PIK3CA: variants seen among roughly 807,000 people sequenced by gnomAD.
PIK3CA encodes the protein phosphatidylinositol 4,5-bisphosphate 3-kinase catalytic subunit alpha isoform.
A neutral mutation model predicts 138.2 loss-of-function variants in PIK3CA; 27 were observed. The observed-to-expected ratio is 0.20, with a 90% CI of 0.14 to 0.27. The LOEUF (loss-of-function observed/expected upper bound fraction) is 0.27. Among genes scored for constraint, PIK3CA ranks in the 10% least tolerant of loss-of-function variants. The pLI, the probability that PIK3CA is intolerant of heterozygous loss-of-function variation, is 1.00. For missense variants in PIK3CA, 544 were observed against 1,277.4 expected, an observed-to-expected ratio of 0.43 and a Z score of 8.75; for synonymous variants, 358 against 413.2, an observed-to-expected ratio of 0.87 and a Z score of 1.62.
At position 179,195,967 on chromosome 3, in the gene PIK3CA, C is replaced by T. The variant is rs79484456; in HGVS notation, c.-76-2783C>T. On this transcript the variant is annotated intron_variant, in intron 1 of 20. Transcript: ENST00000263967. The stretch of plus-strand genomic sequence containing the variant: ...GCTGTCATTCTGTCTACCAGAATGT[C>T]AACCAGTGCCTGCCTTCCAGGATCA... Among the ~76,000 whole-genome samples, 189 of 152,334 alleles carry T rather than the reference C, an allele frequency of 1.2e-3. 3 individuals are homozygous for T. In the East Asian group the frequency reaches 0.034, roughly 28 times the overall value.
rs574908621 is a variant in PIK3CA, at chr3:179,205,020, C to CAAAAAAAAAAA, written c.1145+458_1145+468dup. 4.7e-4 allele frequency among the ~76,000 whole-genome samples: 25 copies of CAAAAAAAAAAA among 53,378 alleles called. 4 individuals carry two copies. The highest frequency in any genetic ancestry group is 8.1e-4 in the East Asian group (1 of 1,238). 35.0% of individuals were successfully genotyped at this position (53,378 alleles called of 152,430 possible). On this transcript the variant is annotated intron_variant, in intron 6 of 20. Transcript: ENST00000263967. ...TGGGCAACAGAGCGAGACTCCGTCT[C>CAAAAAAAAAAA]AAAAAAAAAAAAAAAAAAAAAAAAA...
At position 179,219,122 on chromosome 3, in the gene PIK3CA, T is replaced by C. The variant is rs1724907343; in HGVS notation, c.1665-74T>C. 2 of 827,736 alleles carry C rather than the reference T, an allele frequency of 2.4e-6. No individual in the cohort carries two copies. Among genetic ancestry groups the C allele is most frequent in the Admixed American group, 4.2e-5 (2 of 47,348 alleles). 51.3% of individuals were successfully genotyped at this position (827,736 alleles called of 1,614,324 possible). ...TTGGGACTTCTTAAGAAGATTCATA[T>C]GGAGAAGTTAGACATGTCAACCTTT... On this transcript the variant is annotated intron_variant, in intron 10 of 20. Coordinates refer to ENST00000263967, the MANE Select transcript of PIK3CA (RefSeq NM_006218.4). This position sits in a 1 kb window ranked among gnomAD's most constrained non-coding sequence, Gnocchi z 4.2.
At chr3:179,180,499 C>T (rs1723814227) in intron 1 of PIK3CA, among the ~76,000 whole-genome samples, 1 of 151,566 alleles carries the variant, frequency 6.6e-6, no homozygotes, top group Non-Finnish European at 1.5e-5. Flanking sequence ...GAATTAGAGA[C>T]AGATCAGTCC....
chr3:179,193,592 G>A (rs1428138342), intron 1 of PIK3CA, among the ~76,000 whole-genome samples: 3 of 152,256 alleles, frequency 2.0e-5, no homozygotes, highest in Non-Finnish European at 2.9e-5. Flanking sequence ...ATTGGTGCTT[G>A]TAATGAGGAC....
chr3:179,154,633 A>T (rs778056298), intron 1 of PIK3CA, among the ~76,000 whole-genome samples: 10 of 152,206 alleles, frequency 6.6e-5, no homozygotes, highest in Non-Finnish European at 1.0e-4. Context: ...GTCTTTTTCT[A>T]TATTGATACA....
intron 1 of PIK3CA, among the ~76,000 whole-genome samples, chr3:179,183,630 A>G (rs534304927): frequency 6.6e-6 from 1 of 152,358 alleles, no homozygotes; most frequent in South Asian, 2.1e-4. Context: ...TTGTAAGAAT[A>G]CCAATAATAT....
intron 4 of PIK3CA, among the ~76,000 whole-genome samples, chr3:179,202,505 T>A (rs1196098200): frequency 1.3e-5 from 2 of 152,224 alleles, no homozygotes; most frequent in African/African-American, 4.8e-5. Flanking sequence ...ATTAAATAAA[T>A]ACCTATAAGA....
At chr3:179,190,163 CCTA>C (rs898527846) in intron 1 of PIK3CA, among the ~76,000 whole-genome samples, 23 of 152,160 alleles carry the variant, frequency 1.5e-4, no homozygotes, top group Non-Finnish European at 2.2e-4. Flanking sequence ...CCATCCGTTT[CCTA>C]CTATTTCTAC....
chr3:179,161,366 T>C (rs1274644015), intron 1 of PIK3CA, among the ~76,000 whole-genome samples: 1 of 152,164 alleles, frequency 6.6e-6, no homozygotes, highest in African/African-American at 2.4e-5. Context: ...AGCACATCCA[T>C]AGACATACAA....
chr3:179,169,362 CAT>C (rs1723494370), intron 1 of PIK3CA, among the ~76,000 whole-genome samples: 1 of 152,108 alleles, frequency 6.6e-6, no homozygotes, highest in Non-Finnish European at 1.5e-5. Flanking sequence ...GGGATTACAT[CAT>C]ATGTGTAGAT....
chr3:179,198,447 C>T (rs1321914845), intron 1 of PIK3CA, among the ~76,000 whole-genome samples: 1 of 152,160 alleles, frequency 6.6e-6, no homozygotes, highest in Admixed American at 6.5e-5. Flanking sequence ...ACTTTTCATT[C>T]TTCCCATAGC....
chr3:179,163,130 G>C (rs1318604988), intron 1 of PIK3CA, among the ~76,000 whole-genome samples: 2 of 152,026 alleles, frequency 1.3e-5, no homozygotes, highest in Non-Finnish European at 2.9e-5. Flanking sequence ...AGGAGAAAAA[G>C]GAAAACTAAG....
In PIK3CA at chr3:179,224,709, G is replaced by T; in HGVS notation, c.2304G>T (p.Glu768Asp). The T allele has an allele frequency of 6.2e-7, 1 of 1,605,012 alleles. No individual in the cohort carries two copies. The highest frequency in any genetic ancestry group is 1.1e-5 in the South Asian group (1 of 90,150). The part of the protein sequence containing the change: ...AHQLGNLRLE[E>D]CRIMSSAKRP... ...TTTAACTATTTTAAAGGCTTGAAGA[G>T]TGTCGAATTATGTCCTCTGCAAAAA... The change falls in exon 16 of 21, where the codon GAG becomes GAT. Residue 768 changes from glutamate (E) to aspartate (D), a missense_variant. By Grantham distance (45) the Glu-to-Asp change is conservative. This residue lies in a region of PIK3CA where 35 missense variants were observed against 49.4 expected (regional missense o/e 0.71). Transcript: ENST00000263967.
chr3:179,232,194 G>GT (rs1202823985), intron 20 of PIK3CA, among the ~76,000 whole-genome samples: 2 of 152,060 alleles, frequency 1.3e-5, no homozygotes, highest in African/African-American at 4.8e-5. Flanking sequence ...CTAGGCCAGT[G>GT]TTTAAAAGAG....
At chr3:179,210,679 T>G in intron 9 of PIK3CA, 114 bp downstream of exon 9, 1 of 958,026 alleles carries the variant, frequency 1.0e-6, no homozygotes, top group East Asian at 2.6e-5. Flanking sequence ...CTATGAACTC[T>G]AGGACCAATA....
rs2108392564 is a variant in PIK3CA, at chr3:179,203,569, G to C, written c.839G>C (p.Gly280Ala). Residue 280 changes from glycine to alanine, a missense_variant, in exon 5 of 21, where the codon GGG becomes GCG. Transcript: ENST00000263967. ...TATATAAGAAGCTGTATAATGCTTGGGAGGATGCCCAATTTGATGTTGATG... is the reference window on the plus strand; with the variant it reads ...TATATAAGAAGCTGTATAATGCTTGCGAGGATGCCCAATTTGATGTTGATG... ...YKYIRSCIML[G>A]RMPNLMLMAK... 1 of 1,613,814 alleles carries C rather than the reference G, an allele frequency of 6.2e-7. No individual in the cohort carries two copies. Among genetic ancestry groups the C allele is most frequent in the Non-Finnish European group, 8.5e-7 (1 of 1,179,894 alleles).
In PIK3CA at chr3:179,231,630, CTTTTTTTTTTTTTTT is replaced by C. The variant is rs144349648; in HGVS notation, c.2936+1268_2936+1282del. 3.4e-4 allele frequency among the ~76,000 whole-genome samples: 17 copies of C among 50,420 alleles called. 1 individual carries two copies. The highest frequency in any genetic ancestry group is 1.7e-3 in the African/African-American group (17 of 9,784). The allele number at this position is 50,420 out of a possible 152,430, so 33.1% of individuals were successfully genotyped here. ...ATTGTCTATTCATGTCCTTAGCCCACTTTTTTTTTTTTTTTTTTTTTTTTTTTTGAGATGGAGTCT... is the reference window on the plus strand; with the variant it reads ...ATTGTCTATTCATGTCCTTAGCCCACTTTTTTTTTTTTTGAGATGGAGTCT... On this transcript the variant is annotated intron_variant, in intron 20 of 20. Transcript: ENST00000263967.
At chr3:179,229,496 T>A (rs1485749819) in intron 18 of PIK3CA, 54 bp downstream of exon 18, 1 of 1,386,832 alleles carries the variant, frequency 7.2e-7, no homozygotes, top group East Asian at 2.4e-5. Flanking sequence ...GTTAGATGAG[T>A]CTGTCGGTGT....
chr3:179,205,302 A>ATT (rs999367503), intron 6 of PIK3CA, among the ~76,000 whole-genome samples: 13 of 152,174 alleles, frequency 8.5e-5, no homozygotes, highest in African/African-American at 3.1e-4. Flanking sequence ...TTTCTGTCAA[A>ATT]TGAGTATCAG....
Sources: gnomAD v4.1 joint callset for allele counts (sites outside exome capture counted in the v4.1 genomes callset) on GRCh38, gnomAD v4.1.1 for gene constraint, gnomAD v4.1.1 regional missense constraint, Gnocchi (gnomAD v3.1) non-coding constraint, MANE v1.5 for transcripts, NCBI Gene and HGNC (gene_info 2026-07-23, HGNC 2026-07-21) for gene names.